The following ARHGAP15 variants were observed in gnomAD, a reference collection of about 807,000 sequenced individuals.
ARHGAP15 encodes rho GTPase-activating protein 15.
Under a neutral mutation model 63.7 loss-of-function variants are expected in ARHGAP15, and 51 were observed. The ratio of observed to expected loss-of-function variants is 0.80; its 90% CI spans 0.64 to 1.01. The LOEUF is 1.01. Ranked by LOEUF, ARHGAP15 falls within the 50% of genes least tolerant of loss-of-function variation. The pLI is 0.00. For missense variants in ARHGAP15, 560 were observed against 564.6 expected (o/e 0.99, Z 0.08); for synonymous variants, 191 against 193.8 (o/e 0.99, Z 0.12).
chr2:143,620,091 C>T (rs1160410914), intron 11 of ARHGAP15, among the ~76,000 whole-genome samples: 3 of 152,162 alleles, frequency 2.0e-5, no homozygotes, highest in Admixed American at 2.0e-4. Context: ...TTGGCCTTTA[C>T]TCACCTGCCT....
intron 6 of ARHGAP15, among the ~76,000 whole-genome samples, chr2:143,411,365 A>C (rs998934496): frequency 3.9e-5 from 6 of 152,212 alleles, no homozygotes; most frequent in African/African-American, 1.4e-4. Flanking sequence ...AAATATAAGC[A>C]TTTAAAGTAA....
chr2:143,330,107 A>T lies in ARHGAP15; in HGVS notation c.474+79507A>T, dbSNP rs1334109113. Among the ~76,000 whole-genome samples, 31 of 82,158 alleles carry T rather than the reference A, an allele frequency of 3.8e-4. 1 individual carries two copies. Among genetic ancestry groups the T allele is most frequent in the East Asian group, 1.5e-3 (4 of 2,706 alleles). The allele number at this position is 82,158 out of a possible 152,430, so 53.9% of individuals were successfully genotyped here. ...AAGGCTCTGTCTCAAAAAAAAAAAA[A>T]AAAAAAAAAAAAAAAAAAAAAAAAC... On this transcript the variant is annotated intron_variant, in intron 6 of 13. Transcript: ENST00000295095.
At chr2:143,657,568 CATA>C (rs1418428580) in intron 12 of ARHGAP15, among the ~76,000 whole-genome samples, 1 of 152,144 alleles carries the variant, frequency 6.6e-6, no homozygotes. Flanking sequence ...TATCTTATTT[CATA>C]ATGTTTTTCA....
At chr2:143,664,381 C>T (rs1194621651) in intron 12 of ARHGAP15, among the ~76,000 whole-genome samples, 4 of 151,684 alleles carry the variant, frequency 2.6e-5, no homozygotes, top group African/African-American at 9.7e-5. Flanking sequence ...AGAACAAAGA[C>T]ACAACATACC....
chr2:143,532,178 C>G (rs1694549108), intron 10 of ARHGAP15, among the ~76,000 whole-genome samples: 1 of 152,174 alleles, frequency 6.6e-6, no homozygotes, highest in African/African-American at 2.4e-5. Context: ...AGAAAAATAT[C>G]TGATGCATAA....
chr2:143,375,658 T>C (rs971977246), intron 6 of ARHGAP15, among the ~76,000 whole-genome samples: 27 of 152,136 alleles, frequency 1.8e-4, no homozygotes, highest in Admixed American at 6.6e-5. Context: ...CCTGTGAAAG[T>C]TGAAGATCCT....
chr2:143,406,276 G>A (rs1688194684), intron 6 of ARHGAP15, among the ~76,000 whole-genome samples: 1 of 151,826 alleles, frequency 6.6e-6, no homozygotes, highest in South Asian at 2.1e-4. Flanking sequence ...TAGTTTTAAA[G>A]TCTTTTTTAC....
chr2:143,399,760 C>T (rs900903637), intron 6 of ARHGAP15, among the ~76,000 whole-genome samples: 3 of 151,912 alleles, frequency 2.0e-5, no homozygotes, highest in Non-Finnish European at 2.9e-5. Context: ...CTGCCTAGGG[C>T]TTTTCTAGGA....
intron 6 of ARHGAP15, among the ~76,000 whole-genome samples, chr2:143,310,275 AT>A (rs1683380227): frequency 2.6e-5 from 4 of 152,086 alleles, no homozygotes; most frequent in Admixed American, 2.6e-4. Context: ...TGTTTCATCA[AT>A]AAAAGCTGAC....
chr2:143,628,250 A>ATATC (rs1479474956), intron 12 of ARHGAP15, among the ~76,000 whole-genome samples: 1 of 152,028 alleles, frequency 6.6e-6, no homozygotes, highest in African/African-American at 2.4e-5. Flanking sequence ...GGTTGATTCC[A>ATATC]TATCTTTGCT....
chr2:143,332,096 T>A (rs1275875448), intron 6 of ARHGAP15, among the ~76,000 whole-genome samples: 1 of 152,140 alleles, frequency 6.6e-6, no homozygotes, highest in Admixed American at 6.5e-5. Context: ...GTCAACCTAT[T>A]ACGTAAATAA....
intron 13 of ARHGAP15, among the ~76,000 whole-genome samples, chr2:143,765,333 C>T (rs1341658948): frequency 6.6e-6 from 1 of 152,102 alleles, no homozygotes; most frequent in Non-Finnish European, 1.5e-5. Flanking sequence ...AGGTCCATTC[C>T]ACTTGCCCTC....
intron 10 of ARHGAP15, 42 bp downstream of exon 10, chr2:143,519,406 C>A: frequency 6.7e-7 from 1 of 1,484,210 alleles, no homozygotes; most frequent in Non-Finnish European, 9.4e-7. Flanking sequence ...ATTACTGCAC[C>A]CTCTACACAA....
chr2:143,628,879 T>G (rs961324241), intron 12 of ARHGAP15, among the ~76,000 whole-genome samples: 1 of 152,180 alleles, frequency 6.6e-6, no homozygotes, highest in African/African-American at 2.4e-5. Flanking sequence ...CATAACATTA[T>G]TTCCCTTTTC....
intron 13 of ARHGAP15, among the ~76,000 whole-genome samples, chr2:143,719,966 TATA>T (rs1433215929): frequency 1.3e-5 from 2 of 152,184 alleles, no homozygotes; most frequent in Admixed American, 6.5e-5. Flanking sequence ...ACATACACCC[TATA>T]ATAAGTTAGA....
chr2:143,234,457 C>G (rs139168307), intron 5 of ARHGAP15, among the ~76,000 whole-genome samples: 19 of 152,230 alleles, frequency 1.2e-4, no homozygotes, highest in African/African-American at 4.6e-4. Context: ...GTGTCCTACT[C>G]CAGAGTATTT....
At chr2:143,479,708 C>T (rs1399244655) in intron 8 of ARHGAP15, among the ~76,000 whole-genome samples, 1 of 151,766 alleles carries the variant, frequency 6.6e-6, no homozygotes, top group Non-Finnish European at 1.5e-5. Context: ...AGAAGAATGT[C>T]TAAATGATCT....
intron 9 of ARHGAP15, among the ~76,000 whole-genome samples, chr2:143,508,136 G>A (rs1259780949): frequency 1.3e-5 from 2 of 152,102 alleles, no homozygotes; most frequent in African/African-American, 4.8e-5. Context: ...TTGACCCTGA[G>A]GCTACATTTT....
chr2:143,661,934 C>T (rs560304175), intron 12 of ARHGAP15, among the ~76,000 whole-genome samples: 1 of 152,280 alleles, frequency 6.6e-6, no homozygotes, highest in South Asian at 2.1e-4. Context: ...CACAGAGTCT[C>T]GCTGATTGCT....
Sources: gnomAD v4.1 joint callset for allele counts (sites outside exome capture counted in the v4.1 genomes callset) on GRCh38, gnomAD v4.1.1 for gene constraint, MANE v1.5 for transcripts, NCBI Gene and HGNC (gene_info 2026-07-23, HGNC 2026-07-21) for gene names.